CNTNAP2: variants seen among roughly 807,000 people sequenced by gnomAD.
CNTNAP2 encodes the protein contactin-associated protein-like 2.
Under a neutral mutation model 155.2 loss-of-function variants are expected in CNTNAP2, and 98 were observed. The observed-to-expected ratio is 0.63, with a 90% CI of 0.54 to 0.75. CNTNAP2 has a LOEUF of 0.75. CNTNAP2 is among the 30% of genes least tolerant of loss of function. The pLI is 0.00. For missense variants in CNTNAP2, 1,727 were observed against 1,688.1 expected, an observed-to-expected ratio of 1.02 and a Z score of -0.40; for synonymous variants, 651 against 631.2, an observed-to-expected ratio of 1.03 and a Z score of -0.47.
At chr7:147,671,937 C>T (rs1158739831) in intron 13 of CNTNAP2, 2 of 152,158 alleles carry the variant, frequency 1.3e-5, no homozygotes, top group Admixed American at 6.5e-5. Flanking sequence ...AGGTTATGTT[C>T]CCCCAAATTA....
At chr7:148,219,435 T>G (rs1299276485) in intron 19 of CNTNAP2, among the ~76,000 whole-genome samples, 1 of 152,204 alleles carries the variant, frequency 6.6e-6, no homozygotes, top group East Asian at 1.9e-4. Flanking sequence ...GGCTCATGCC[T>G]GTAATCCCAG....
intron 1 of CNTNAP2, among the ~76,000 whole-genome samples, chr7:146,140,743 G>A (rs552670363): frequency 1.3e-5 from 2 of 152,084 alleles, no homozygotes; most frequent in East Asian, 3.9e-4. Context: ...ACAACCATGC[G>A]AAGAAAGAAA....
At chr7:147,842,094 T>C (rs1798743753) in intron 13 of CNTNAP2, among the ~76,000 whole-genome samples, 1 of 152,248 alleles carries the variant, frequency 6.6e-6, no homozygotes, top group Non-Finnish European at 1.5e-5. Context: ...AGGTGCTTAA[T>C]ATTTTATTAA....
At position 148,337,202 on chromosome 7, in the gene CNTNAP2, C is replaced by T. The variant is rs1798135565; in HGVS notation, c.3476-46447C>T. Among the ~76,000 whole-genome samples, 3 of 152,048 alleles carry T rather than the reference C, an allele frequency of 2.0e-5. No individual in the cohort carries two copies. In the South Asian group the frequency reaches 6.2e-4, roughly 32 times the overall value. The stretch of plus-strand genomic sequence containing the variant: ...GACACCCCACTAAAGCTGAGGAGGC[C>T]CCTGCTGCTCCCCCTCCCTCTCTGC... On this transcript the variant is annotated intron_variant, in intron 21 of 23. Coordinates refer to ENST00000361727, the MANE Select transcript of CNTNAP2 (RefSeq NM_014141.6).
At chr7:147,108,092 A>G in intron 4 of CNTNAP2, 55 bp from the exon 5 acceptor site, 1 of 1,485,960 alleles carries the variant, frequency 6.7e-7, no homozygotes, top group Non-Finnish European at 9.3e-7. Flanking sequence ...ACCTGTTGGA[A>G]GTGGATGGTA....
chr7:147,106,820 C>T (rs1800775587), intron 4 of CNTNAP2, among the ~76,000 whole-genome samples: 1 of 152,084 alleles, frequency 6.6e-6, no homozygotes, highest in African/African-American at 2.4e-5. Flanking sequence ...CTACTGTGGC[C>T]CCCAAAGGAA....
intron 20 of CNTNAP2, among the ~76,000 whole-genome samples, chr7:148,241,014 T>C (rs1796133178): frequency 6.6e-6 from 1 of 152,120 alleles, no homozygotes; most frequent in South Asian, 2.1e-4. Flanking sequence ...AATGGTAATC[T>C]CCTCTGGCAA....
chr7:147,938,938 C>T (rs79775477), intron 14 of CNTNAP2, among the ~76,000 whole-genome samples: 4,626 of 152,126 alleles, frequency 0.03, 230 homozygotes, highest in African/African-American at 0.11. Context: ...AAGATAAATG[C>T]CTATGAATCT....
chr7:146,972,271 T>C (rs1435826556), intron 3 of CNTNAP2, among the ~76,000 whole-genome samples: 1 of 152,230 alleles, frequency 6.6e-6, no homozygotes, highest in Non-Finnish European at 1.5e-5. Flanking sequence ...GTAATGATAC[T>C]ATATACTATG....
At chr7:147,508,309 C>T (rs1348473486) in intron 11 of CNTNAP2, among the ~76,000 whole-genome samples, 1 of 152,050 alleles carries the variant, frequency 6.6e-6, no homozygotes, top group Non-Finnish European at 1.5e-5. Context: ...CCTGCATTTC[C>T]TATAAAGGAA....
intron 17 of CNTNAP2, among the ~76,000 whole-genome samples, chr7:148,153,632 C>T (rs1310542927): frequency 1.3e-5 from 2 of 152,192 alleles, no homozygotes; most frequent in Non-Finnish European, 2.9e-5. Flanking sequence ...CAAACAAGCT[C>T]ATGGTCATTG....
intron 10 of CNTNAP2, among the ~76,000 whole-genome samples, chr7:147,396,524 T>C (rs1300919483): frequency 6.6e-6 from 1 of 152,044 alleles, no homozygotes; most frequent in Admixed American, 6.6e-5. Flanking sequence ...ATCAAATCTT[T>C]ATTGGTTTTG....
At chr7:147,416,662 G>A (rs377106974) in intron 10 of CNTNAP2, among the ~76,000 whole-genome samples, 35 of 152,056 alleles carry the variant, frequency 2.3e-4, no homozygotes, top group African/African-American at 7.5e-4. Flanking sequence ...CATATGGTTC[G>A]GCTGCTAGGT....
intron 18 of CNTNAP2, among the ~76,000 whole-genome samples, chr7:148,179,072 C>A (rs1794991174): frequency 6.6e-6 from 1 of 152,198 alleles, no homozygotes; most frequent in Non-Finnish European, 1.5e-5. Flanking sequence ...GAAGATGCAA[C>A]TGGAAACCAC....
intron 17 of CNTNAP2, among the ~76,000 whole-genome samples, chr7:148,165,053 G>T (rs1488558663): frequency 1.3e-5 from 2 of 152,106 alleles, no homozygotes; most frequent in African/African-American, 4.8e-5. Context: ...CTTCCTCATT[G>T]TCTTGGTCTG....
At chr7:147,792,000 A>G (rs1797827678) in intron 13 of CNTNAP2, among the ~76,000 whole-genome samples, 1 of 152,132 alleles carries the variant, frequency 6.6e-6, no homozygotes, top group Admixed American at 6.5e-5. Context: ...TGGGTCTCCT[A>G]GTGTTTCCCC....
rs1052012520 is a variant in CNTNAP2 at position 146,932,483 on chromosome 7, C to T, written c.402+92579C>T. Among the ~76,000 whole-genome samples the T allele has an allele frequency of 2.0e-5, 3 of 152,114 alleles. No homozygotes were observed. The South Asian group carries it at 6.2e-4, about 31-fold the overall frequency. ...TGACAAACCCACAGCCAATATCATACTGAATGGGCAGAAACTGGAAGCACT... is the reference window on the plus strand; with the variant it reads ...TGACAAACCCACAGCCAATATCATATTGAATGGGCAGAAACTGGAAGCACT... On this transcript the variant is annotated intron_variant, in intron 3 of 23. Coordinates refer to ENST00000361727, the MANE Select transcript of CNTNAP2 (RefSeq NM_014141.6).
chr7:147,077,080 T>A (rs1041961849), intron 4 of CNTNAP2, among the ~76,000 whole-genome samples: 2 of 152,172 alleles, frequency 1.3e-5, no homozygotes, highest in Non-Finnish European at 1.5e-5. Context: ...GTTTAGCTTC[T>A]TAATATAAAA....
intron 21 of CNTNAP2, among the ~76,000 whole-genome samples, 197 bp from the exon 22 acceptor site, chr7:148,383,436 ACCCTACCGTATTTTCT>A (rs1799114606): frequency 6.6e-6 from 1 of 152,122 alleles, no homozygotes; most frequent in South Asian, 2.1e-4. Context: ...TCTTATTTTC[ACCCTACCGTATTTTCT>A]GTTAACACAA....
Sources: gnomAD v4.1 joint callset for allele counts (sites outside exome capture counted in the v4.1 genomes callset) on GRCh38, gnomAD v4.1.1 for gene constraint, MANE v1.5 for transcripts, NCBI Gene and HGNC (gene_info 2026-07-23, HGNC 2026-07-21) for gene names.